The following CAST variants were observed in gnomAD, a reference collection of about 807,000 sequenced individuals.
CAST encodes the protein calpastatin.
Under a neutral mutation model 119.6 loss-of-function variants are expected in CAST, and 76 were observed. The ratio of observed to expected loss-of-function variants is 0.64; its 90% CI spans 0.53 to 0.77. The LOEUF (loss-of-function observed/expected upper bound fraction) is 0.77. Among genes scored for constraint, CAST ranks in the 30% least tolerant of loss-of-function variants. The pLI is 0.00. For missense variants in CAST, 953 were observed against 946.5 expected, an observed-to-expected ratio of 1.01 and a Z score of -0.09; for synonymous variants, 319 against 331.6, an observed-to-expected ratio of 0.96 and a Z score of 0.41.
At chr5:96,701,761 C>A (rs1186741878) in intron 3 of CAST, among the ~76,000 whole-genome samples, 1 of 149,700 alleles carries the variant, frequency 6.7e-6, no homozygotes, top group African/African-American at 2.5e-5. Context: ...GCTGAGATCA[C>A]GTGACTGCAC....
intron 1 of CAST, among the ~76,000 whole-genome samples, chr5:96,549,016 C>T (rs1050094818): frequency 6.6e-6 from 1 of 152,122 alleles, no homozygotes; most frequent in Non-Finnish European, 1.5e-5. Context: ...TACAAGGAAC[C>T]AGGAAGAGAA....
At chr5:96,504,801 A>G in the CAST span, among the ~76,000 whole-genome samples, 1 of 152,230 alleles carries the variant, frequency 6.6e-6, no homozygotes, top group Non-Finnish European at 1.5e-5. Flanking sequence ...AAATCCAGGC[A>G]ACAAATGATG....
At chr5:96,079,971 C>T in the CAST span, among the ~76,000 whole-genome samples, 10 of 152,152 alleles carry the variant, frequency 6.6e-5, 1 homozygote, top group African/African-American at 2.4e-4. Context: ...TATACATATT[C>T]GTGCATTTGT....
chr5:96,725,382 T>C (rs181700021), intron 4 of CAST, among the ~76,000 whole-genome samples: 31 of 152,348 alleles, frequency 2.0e-4, no homozygotes, highest in Admixed American at 7.2e-4. Flanking sequence ...TGGGATTGTC[T>C]GTTGGCCACT....
At chr5:96,102,879 A>C in the CAST span, among the ~76,000 whole-genome samples, 1 of 152,134 alleles carries the variant, frequency 6.6e-6, no homozygotes, top group African/African-American at 2.4e-5. Context: ...AGAAACTGCC[A>C]ATCTATTATG....
the CAST span, among the ~76,000 whole-genome samples, chr5:96,265,432 C>A: frequency 2.7e-4 from 41 of 151,936 alleles, no homozygotes; most frequent in Non-Finnish European, 5.3e-4. Flanking sequence ...AGACCGAGAG[C>A]CATGGGGTAG....
At chr5:96,027,579 TAAC>T in the CAST span, among the ~76,000 whole-genome samples, 1 of 152,054 alleles carries the variant, frequency 6.6e-6, no homozygotes, top group African/African-American at 2.4e-5. Context: ...AAATTAAAAA[TAAC>T]AATGTGGAAA....
chr5:96,671,229 T>G (rs961879954), intron 1 of CAST, among the ~76,000 whole-genome samples: 3 of 152,180 alleles, frequency 2.0e-5, no homozygotes, highest in Non-Finnish European at 4.4e-5. Context: ...TCTATGGCCT[T>G]GTCCTTCCAG....
At chr5:96,111,915 G>A in the CAST span, among the ~76,000 whole-genome samples, 1 of 151,912 alleles carries the variant, frequency 6.6e-6, no homozygotes, top group Non-Finnish European at 1.5e-5. Flanking sequence ...CCAAAATGCT[G>A]GGGTTACAAG....
chr5:96,087,141 C>T, the CAST span, among the ~76,000 whole-genome samples: 47 of 152,334 alleles, frequency 3.1e-4, no homozygotes, highest in African/African-American at 1.1e-3. Context: ...TTTCATATAA[C>T]TCTGATATTA....
At chr5:96,123,117 A>G in the CAST span, among the ~76,000 whole-genome samples, 1 of 152,126 alleles carries the variant, frequency 6.6e-6, no homozygotes, top group African/African-American at 2.4e-5. Context: ...ATAGAAATGC[A>G]TCAATGGTCT....
the CAST span, among the ~76,000 whole-genome samples, chr5:96,095,502 A>C: frequency 1.5e-5 from 2 of 131,828 alleles, no homozygotes; most frequent in African/African-American, 2.8e-5. Flanking sequence ...TCCAGGCTGC[A>C]GTGAGCTATT....
At chr5:96,010,451 A>AGG in the CAST span, among the ~76,000 whole-genome samples, 2 of 152,148 alleles carry the variant, frequency 1.3e-5, no homozygotes, top group African/African-American at 4.8e-5. Context: ...AGCTGAGATT[A>AGG]CAGCTGTCCA....
At chr5:96,208,882 T>A in the CAST span, among the ~76,000 whole-genome samples, 1 of 151,946 alleles carries the variant, frequency 6.6e-6, no homozygotes, top group African/African-American at 2.4e-5. Flanking sequence ...TCTTTGTTAG[T>A]TTTCTGCCTT....
chr5:96,724,346 A>G lies in CAST; in HGVS notation c.270+1648A>G, dbSNP rs574857729. On this transcript the variant is annotated intron_variant, in intron 4 of 31. Transcript: ENST00000675179. ...TAGGGGCACACCACCATGCCTGGCTAATATTTCTGTTTTTCTGTAGAGACA... is the reference window on the plus strand; with the variant it reads ...TAGGGGCACACCACCATGCCTGGCTGATATTTCTGTTTTTCTGTAGAGACA... Among the ~76,000 whole-genome samples, 93 of 151,976 alleles carry G rather than the reference A, an allele frequency of 6.1e-4. 1 individual carries two copies. The highest frequency in any genetic ancestry group is 1.1e-3 in the Non-Finnish European group (76 of 67,974).
At chr5:96,108,333 T>G in the CAST span, among the ~76,000 whole-genome samples, 1 of 152,206 alleles carries the variant, frequency 6.6e-6, no homozygotes, top group African/African-American at 2.4e-5. Flanking sequence ...TTCTGCTCTG[T>G]TTTTTCCCCA....
At chr5:96,095,029 G>A in the CAST span, among the ~76,000 whole-genome samples, 2 of 152,156 alleles carry the variant, frequency 1.3e-5, no homozygotes, top group African/African-American at 4.8e-5. Flanking sequence ...TTAGCTGCCT[G>A]GAATGGTAAC....
chr5:96,451,443 T>C, the CAST span, among the ~76,000 whole-genome samples: 3 of 152,136 alleles, frequency 2.0e-5, no homozygotes, highest in Non-Finnish European at 2.9e-5. Context: ...TAGCCATATG[T>C]GGAAAACTGA....
At chr5:96,106,307 G>T in the CAST span, among the ~76,000 whole-genome samples, 2 of 151,946 alleles carry the variant, frequency 1.3e-5, no homozygotes, top group African/African-American at 4.8e-5. Flanking sequence ...TCTTTTAATC[G>T]TGATGTTAGG....
Sources: gnomAD v4.1 joint callset for allele counts (sites outside exome capture counted in the v4.1 genomes callset) on GRCh38, gnomAD v4.1.1 for gene constraint, MANE v1.5 for transcripts, NCBI Gene and HGNC (gene_info 2026-07-23, HGNC 2026-07-21) for gene names.